SNX8: variants seen among roughly 807,000 people sequenced by gnomAD.
The protein encoded by SNX8 is sorting nexin-8.
Under a neutral mutation model 51.6 loss-of-function variants are expected in SNX8, and 25 were observed. That is an observed-to-expected ratio of 0.48 (90% CI 0.35 to 0.68). SNX8 has a LOEUF of 0.68. Among genes scored for constraint, SNX8 ranks in the 30% least tolerant of loss-of-function variants. The pLI is 0.00. For missense variants in SNX8, 695 were observed against 624.0 expected (o/e 1.11, Z -1.21); for synonymous variants, 324 against 277.0 (o/e 1.17, Z -1.68).
At chr7:2,331,297 C>G (rs1778730631) in intron 1 of SNX8, among the ~76,000 whole-genome samples, 1 of 151,118 alleles carries the variant, frequency 6.6e-6, no homozygotes, top group African/African-American at 2.4e-5. Context: ...AGCTACTAGA[C>G]TAATAATCTG....
chr7:2,330,816 A>T (rs533969974), intron 1 of SNX8, among the ~76,000 whole-genome samples: 1 of 152,166 alleles, frequency 6.6e-6, no homozygotes, highest in East Asian at 1.9e-4. Context: ...CTAAAACAAC[A>T]GTGAAGCAAG....
rs1584684929 is a variant in SNX8, at chr7:2,271,929, C to A, written c.461G>T (p.Arg154Leu). 2 of 1,614,000 alleles carry A rather than the reference C, an allele frequency of 1.2e-6. No individual in the cohort carries two copies. Among genetic ancestry groups the A allele is most frequent in the Non-Finnish European group, 8.5e-7 (1 of 1,180,028 alleles). ...GTGTCGCGCCACCAGGTTGACGAAG[C>A]GCTTCAGGGCTCTCCTCCTGGCCTC... The part of the protein sequence containing the change: ...FIEARRRALK[R>L]FVNLVARHPL... The change falls in exon 4 of 11, where the codon CGC (arginine) becomes CTC (leucine). Residue 154 changes from arginine (R) to leucine (L), a missense_variant. By Grantham distance (102) the Arg-to-Leu change is moderately radical (BLOSUM62 -2). Coordinates refer to ENST00000222990, the MANE Select transcript of SNX8 (RefSeq NM_013321.4).
chr7:2,259,881 C>T (rs936129019), intron 7 of SNX8, among the ~76,000 whole-genome samples: 2 of 152,020 alleles, frequency 1.3e-5, no homozygotes, highest in African/African-American at 4.8e-5. Context: ...GGCCCTAAAC[C>T]AGGGGTGTCC....
intron 1 of SNX8, among the ~76,000 whole-genome samples, chr7:2,300,980 A>C (rs1204677369): frequency 1.3e-5 from 2 of 152,162 alleles, no homozygotes; most frequent in African/African-American, 4.8e-5. Context: ...GAACGAGACA[A>C]GTAACCATTC....
intron 1 of SNX8, chr7:2,309,974 G>C: frequency 2.3e-6 from 1 of 428,724 alleles, no homozygotes. Flanking sequence ...GGTCAACGCG[G>C]ACAAACAGCA....
At chr7:2,277,155 T>C (rs1795799114) in intron 2 of SNX8, among the ~76,000 whole-genome samples, 1 of 152,114 alleles carries the variant, frequency 6.6e-6, no homozygotes, top group African/African-American at 2.4e-5. Context: ...CATCAATTAC[T>C]CAATGCCCAG....
chr7:2,344,136 C>G (rs1475083198), intron 1 of SNX8, among the ~76,000 whole-genome samples: 2 of 150,696 alleles, frequency 1.3e-5, no homozygotes, highest in Middle Eastern at 3.2e-3. Flanking sequence ...CCCAGGAGTT[C>G]AAGGCTGCAG....
intron 1 of SNX8, among the ~76,000 whole-genome samples, chr7:2,352,257 C>T (rs1323089331): frequency 1.3e-5 from 2 of 152,020 alleles, no homozygotes; most frequent in Non-Finnish European, 2.9e-5. Context: ...GATTTAGGGT[C>T]CACTCTCGTC....
chr7:2,323,989 G>A (rs1369917743), intron 1 of SNX8, among the ~76,000 whole-genome samples: 3 of 151,870 alleles, frequency 2.0e-5, no homozygotes, highest in Admixed American at 6.6e-5. Context: ...GCATGGTGGT[G>A]CATGCTTCTA....
intron 1 of SNX8, among the ~76,000 whole-genome samples, chr7:2,327,683 A>G (rs1253823911): frequency 6.9e-6 from 1 of 144,840 alleles, no homozygotes; most frequent in African/African-American, 2.6e-5. Flanking sequence ...CTGGGATTAC[A>G]GGCGTGAGCC....
At chr7:2,267,979 T>C in intron 5 of SNX8, among the ~76,000 whole-genome samples, 1 of 142,188 alleles carries the variant, frequency 7.0e-6, no homozygotes, top group Non-Finnish European at 1.5e-5. Flanking sequence ...ATCTGGGATG[T>C]GAGGAGCGCC....
At chr7:2,291,751 A>G (rs569801097) in intron 1 of SNX8, among the ~76,000 whole-genome samples, 1 of 152,286 alleles carries the variant, frequency 6.6e-6, no homozygotes, top group South Asian at 2.1e-4. Context: ...ACCCCGGTTA[A>G]GGGTCTATCA....
intron 1 of SNX8, among the ~76,000 whole-genome samples, chr7:2,285,233 CAAA>C (rs1400512279): frequency 8.0e-6 from 1 of 125,744 alleles, no homozygotes; most frequent in Admixed American, 9.0e-5. Flanking sequence ...AAAAAAAATG[CAAA>C]AAATTAGTTA....
At chr7:2,348,630 C>T (rs1225967726) in intron 1 of SNX8, among the ~76,000 whole-genome samples, 15 of 151,632 alleles carry the variant, frequency 9.9e-5, no homozygotes, top group South Asian at 2.1e-4. Flanking sequence ...CGTGAGCCAC[C>T]GTGCCCGGCC....
chr7:2,313,254 G>C (rs947469437), intron 1 of SNX8, among the ~76,000 whole-genome samples: 3 of 151,926 alleles, frequency 2.0e-5, no homozygotes, highest in African/African-American at 4.8e-5. Context: ...GGCCAGGCGC[G>C]GTGGCTCACG....
chr7:2,325,417 T>C (rs1373669322), intron 1 of SNX8, among the ~76,000 whole-genome samples: 1 of 152,060 alleles, frequency 6.6e-6, no homozygotes, highest in African/African-American at 2.4e-5. Flanking sequence ...TAGAAGGAAA[T>C]GAGGAACGTG....
At chr7:2,268,632 G>C (rs1452597931) in intron 5 of SNX8, among the ~76,000 whole-genome samples, 1 of 118,172 alleles carries the variant, frequency 8.5e-6, no homozygotes. Flanking sequence ...CAGCCGCCCC[G>C]TCTGGGAGGT....
chr7:2,276,816 C>A (rs1795791373), intron 2 of SNX8, among the ~76,000 whole-genome samples: 1 of 152,158 alleles, frequency 6.6e-6, no homozygotes, highest in African/African-American at 2.4e-5. Flanking sequence ...GTGGTGGCAT[C>A]CGCCTGTGGT....
chr7:2,348,595 C>T (rs926249173), intron 1 of SNX8, among the ~76,000 whole-genome samples: 4 of 151,656 alleles, frequency 2.6e-5, no homozygotes, highest in African/African-American at 7.3e-5. Context: ...CCCGCCTCAG[C>T]CTCCCAAAGT....
Sources: allele counts gnomAD v4.1 joint callset (sites outside exome capture counted in the v4.1 genomes callset), GRCh38; gene constraint gnomAD v4.1.1; transcripts MANE v1.5; gene names NCBI Gene and HGNC (gene_info 2026-07-23, HGNC 2026-07-21).